Variants in DIS3L2 observed in about 807,000 individuals in gnomAD.
The protein encoded by DIS3L2 is DIS3-like exonuclease 2.
Under a neutral mutation model 97.5 loss-of-function variants are expected in DIS3L2, and 34 were observed. That is an observed-to-expected ratio of 0.35 (90% CI 0.27 to 0.46). The LOEUF (loss-of-function observed/expected upper bound fraction) is 0.46, where lower values mean the gene tolerates loss of function less well. Among genes scored for constraint, DIS3L2 ranks in the 20% least tolerant of loss-of-function variants. DIS3L2 has a pLI of 1.00. For synonymous variants in DIS3L2, 435 were observed against 445.2 expected, an observed-to-expected ratio of 0.98 and a Z score of 0.29; for missense variants, 1,038 against 1,146.0, an observed-to-expected ratio of 0.91 and a Z score of 1.36.
At chr2:232,208,154 A>G in intron 9 of DIS3L2, among the ~76,000 whole-genome samples, 1 of 152,140 alleles carries the variant, frequency 6.6e-6, no homozygotes, top group Non-Finnish European at 1.5e-5. Context: ...ACATGCATAG[A>G]TTTAGTTCCA....
At chr2:232,132,212 A>G (rs1361215970) in intron 7 of DIS3L2, among the ~76,000 whole-genome samples, 2 of 152,254 alleles carry the variant, frequency 1.3e-5, no homozygotes, top group African/African-American at 4.8e-5. Flanking sequence ...AATGGATTCA[A>G]CCAAAAATTA....
chr2:232,201,503 T>C (rs148494767), intron 9 of DIS3L2, among the ~76,000 whole-genome samples: 22 of 152,288 alleles, frequency 1.4e-4, no homozygotes, highest in African/African-American at 5.1e-4. Context: ...AAACAAAAGA[T>C]AGTTGAGCAA....
chr2:232,310,100 A>C (rs1695084458), intron 14 of DIS3L2, among the ~76,000 whole-genome samples: 1 of 152,244 alleles, frequency 6.6e-6, no homozygotes, highest in African/African-American at 2.4e-5. Context: ...CAGGCTAAGC[A>C]GCAGTGTTAC....
chr2:232,015,756 T>A, intron 3 of DIS3L2, 85 bp downstream of exon 3: 1 of 1,498,014 alleles, frequency 6.7e-7, no homozygotes, highest in Non-Finnish European at 9.0e-7. Context: ...CTGTGCTATA[T>A]GCTTTCAGAG....
intron 13 of DIS3L2, among the ~76,000 whole-genome samples, chr2:232,272,620 T>G (rs546341970): frequency 6.3e-4 from 96 of 152,300 alleles, no homozygotes; most frequent in African/African-American, 2.1e-3. Context: ...CATATCAGAC[T>G]GAGATTATTC....
intron 5 of DIS3L2, among the ~76,000 whole-genome samples, chr2:232,083,765 G>A (rs1166860323): frequency 6.6e-6 from 1 of 152,144 alleles, no homozygotes; most frequent in East Asian, 1.9e-4. Context: ...AAAGTGCTGG[G>A]ATTACAGGTG....
intron 6 of DIS3L2, among the ~76,000 whole-genome samples, chr2:232,120,008 T>G (rs1421898978): frequency 6.6e-6 from 1 of 152,080 alleles, no homozygotes; most frequent in Non-Finnish European, 1.5e-5. Flanking sequence ...TGTTAAGGCT[T>G]TTTTTCCCCC....
At chr2:232,175,328 T>C (rs1691121507) in intron 9 of DIS3L2, among the ~76,000 whole-genome samples, 1 of 152,206 alleles carries the variant, frequency 6.6e-6, no homozygotes, top group South Asian at 2.1e-4. Flanking sequence ...TGATTGACTA[T>C]CATATGTTGA....
At chr2:232,045,174 G>A (rs1011838706) in intron 5 of DIS3L2, among the ~76,000 whole-genome samples, 5 of 152,168 alleles carry the variant, frequency 3.3e-5, no homozygotes, top group African/African-American at 1.2e-4. Flanking sequence ...ATGGAAAACT[G>A]TTAACCATGT....
chr2:232,069,308 A>G (rs559536809), intron 5 of DIS3L2, among the ~76,000 whole-genome samples: 42 of 152,316 alleles, frequency 2.8e-4, no homozygotes, highest in Admixed American at 1.4e-3. Context: ...TTGATTCTCT[A>G]TCAAAAATTG....
At chr2:232,202,778 G>C (rs1574943116) in intron 9 of DIS3L2, among the ~76,000 whole-genome samples, 1 of 152,192 alleles carries the variant, frequency 6.6e-6, no homozygotes, top group African/African-American at 2.4e-5. Context: ...ATAGACCATA[G>C]ACTTTTCCTG....
chr2:232,039,323 G>A (rs1208242040), intron 5 of DIS3L2, among the ~76,000 whole-genome samples: 3 of 152,174 alleles, frequency 2.0e-5, no homozygotes, highest in Non-Finnish European at 2.9e-5. Context: ...CTGGCCAATT[G>A]TCTTACAGGT....
chr2:232,251,668 C>T (rs1366891097), intron 12 of DIS3L2, among the ~76,000 whole-genome samples: 2 of 152,214 alleles, frequency 1.3e-5, no homozygotes, highest in Non-Finnish European at 2.9e-5. Flanking sequence ...AATTTCAGAA[C>T]ACTGTGGACA....
intron 1 of DIS3L2, among the ~76,000 whole-genome samples, chr2:231,971,334 T>C (rs1219296687): frequency 1.3e-5 from 2 of 151,644 alleles, no homozygotes; most frequent in African/African-American, 2.4e-5. Context: ...TGGCGCGATC[T>C]GGCTCACTGC....
At chr2:232,100,182 C>T (rs958824668) in intron 6 of DIS3L2, among the ~76,000 whole-genome samples, 3 of 144,380 alleles carry the variant, frequency 2.1e-5, no homozygotes, top group African/African-American at 7.7e-5. Context: ...TGCCACCATG[C>T]CCTGCTAATA....
Position 232,109,726 on chromosome 2 carries a change from T to C in DIS3L2, c.602-20893T>C, listed in dbSNP as rs1697467934. ...ATACACAAATCAACTCAAGATGGAT[T>C]AAAGACTTAAATGTAAAACCCTAAA... On this transcript the variant is annotated intron_variant, in intron 6 of 20. Coordinates refer to ENST00000325385, the MANE Select transcript of DIS3L2 (RefSeq NM_152383.5). 3.9e-5 allele frequency among the ~76,000 whole-genome samples: 6 copies of C among 152,152 alleles called. No homozygotes were observed. In the South Asian group the frequency reaches 1.2e-3, roughly 32 times the overall value.
At chr2:232,117,936 C>G (rs1173963541) in intron 6 of DIS3L2, among the ~76,000 whole-genome samples, 2 of 152,234 alleles carry the variant, frequency 1.3e-5, no homozygotes, top group African/African-American at 4.8e-5. Context: ...GGTCAGGAAT[C>G]TGGATAGGGC....
chr2:232,216,591 T>C (rs1027408884), intron 10 of DIS3L2, among the ~76,000 whole-genome samples: 1 of 152,190 alleles, frequency 6.6e-6, no homozygotes, highest in African/African-American at 2.4e-5. Context: ...TTTCCATTTT[T>C]TTTTTCTCAC....
At chr2:232,050,592 T>G (rs1272607071) in intron 5 of DIS3L2, among the ~76,000 whole-genome samples, 1 of 152,216 alleles carries the variant, frequency 6.6e-6, no homozygotes, top group Non-Finnish European at 1.5e-5. Context: ...AGACATTTCT[T>G]AAGCTTCTAG....
Sources: allele counts gnomAD v4.1 joint callset (sites outside exome capture counted in the v4.1 genomes callset), GRCh38; gene constraint gnomAD v4.1.1; transcripts MANE v1.5; gene names NCBI Gene and HGNC (gene_info 2026-07-23, HGNC 2026-07-21).